Variants in HSPBAP1 observed in about 807,000 individuals in gnomAD.
HSPBAP1 encodes HSPB1-associated protein 1.
HSPBAP1 carries 27 observed loss-of-function variants against 45.2 expected under a neutral mutation model. The observed-to-expected ratio is 0.60, with a 90% CI of 0.44 to 0.82. The LOEUF is 0.82. HSPBAP1 is among the 40% of genes least tolerant of loss of function. HSPBAP1 has a pLI of 0.00. For missense variants in HSPBAP1, 510 were observed against 590.9 expected (o/e 0.86, Z 1.42); for synonymous variants, 204 against 202.7 (o/e 1.01, Z -0.06).
chr3:122,789,842 T>C (rs949389201), intron 1 of HSPBAP1, among the ~76,000 whole-genome samples: 1 of 150,822 alleles, frequency 6.6e-6, no homozygotes, highest in Non-Finnish European at 1.5e-5. Context: ...CCCGCAACCC[T>C]ATGGCAATCA....
chr3:122,747,462 A>T (rs1202009323), intron 6 of HSPBAP1, among the ~76,000 whole-genome samples: 4 of 150,850 alleles, frequency 2.7e-5, no homozygotes, highest in African/African-American at 7.3e-5. Flanking sequence ...CCGCCCGGCC[A>T]GCCGCCCTGT....
intron 6 of HSPBAP1, among the ~76,000 whole-genome samples, chr3:122,742,046 CAT>C (rs1475842622): frequency 3.3e-5 from 5 of 151,728 alleles, no homozygotes; most frequent in African/African-American, 1.2e-4. Flanking sequence ...AACTTTTGCA[CAT>C]GTGTGCCAGG....
chr3:122,740,513 T>C lies in HSPBAP1; in HGVS notation c.1299A>G (p.Arg433=). ...TTTCACTGTTGCTCATTATTTGTTGTCTCTTGGCACAATGCAATTTTCCAA... is the reference window on the plus strand; with the variant it reads ...TTTCACTGTTGCTCATTATTTGTTGCCTCTTGGCACAATGCAATTTTCCAA... ...EHFGKLHCAK[R]QQIMSNSENA... The change falls in exon 8 of 8, where the codon AGA becomes AGG. Residue 433 remains arginine (R), a synonymous_variant. Transcript: ENST00000306103. 6.2e-7 allele frequency: 1 copy of C among 1,614,206 alleles called. No individual in the cohort carries two copies. Among genetic ancestry groups the C allele is most frequent in the Non-Finnish European group, 8.5e-7 (1 of 1,180,042 alleles).
intron 6 of HSPBAP1, among the ~76,000 whole-genome samples, chr3:122,746,609 C>T (rs570147103): frequency 6.6e-6 from 1 of 150,646 alleles, no homozygotes; most frequent in South Asian, 2.1e-4. Context: ...TCAGCTCTCT[C>T]CTCTCTCCTC....
chr3:122,753,064 A>C, intron 5 of HSPBAP1: 1 of 766,418 alleles, frequency 1.3e-6, no homozygotes, highest in African/African-American at 1.9e-5. Flanking sequence ...TCACAGCTCA[A>C]AATCTAGCCA....
intron 1 of HSPBAP1, among the ~76,000 whole-genome samples, chr3:122,779,302 T>C (rs1179668781): frequency 6.6e-6 from 1 of 151,260 alleles, no homozygotes. Context: ...CGACCTCCCG[T>C]AGTGCTGGGA....
rs56210865 is a variant in HSPBAP1, at chr3:122,755,437, T to TAAA, written c.570-9_570-7dup. 8,315 of 1,177,946 alleles carry TAAA rather than the reference T, an allele frequency of 7.1e-3. 8 individuals are homozygous for TAAA. The highest frequency in any genetic ancestry group is 9.5e-3 in the African/African-American group (553 of 58,114). 73.0% of individuals were successfully genotyped at this position (1,177,946 alleles called of 1,614,324 possible). ...GAAAGAGATGCCATCGTTTCCTAAT[T>TAAA]AAAAAAAAAAAAAAAAGATACAAGT... is the stretch of plus-strand genomic sequence containing the variant. On this transcript the variant is annotated splice_polypyrimidine_tract_variant and splice_region_variant and intron_variant, in intron 4 of 7. Transcript: ENST00000306103.
intron 1 of HSPBAP1, among the ~76,000 whole-genome samples, chr3:122,788,747 A>G (rs1456691503): frequency 1.3e-5 from 2 of 152,238 alleles, no homozygotes; most frequent in Non-Finnish European, 2.9e-5. Flanking sequence ...AAGTGGTTAA[A>G]TTTCTAGAAA....
intron 6 of HSPBAP1, among the ~76,000 whole-genome samples, chr3:122,750,157 T>C (rs1220596563): frequency 6.6e-6 from 1 of 151,406 alleles, no homozygotes; most frequent in East Asian, 1.9e-4. Context: ...GCATTTTTAG[T>C]AGAGATAGGG....
intron 3 of HSPBAP1, among the ~76,000 whole-genome samples, chr3:122,760,698 GTT>G (rs1209693689): frequency 1.3e-5 from 2 of 152,216 alleles, no homozygotes; most frequent in Admixed American, 1.3e-4. Flanking sequence ...CAAAAATCCT[GTT>G]CTCTCTGCAT....
At chr3:122,767,999 C>G (rs903047905) in intron 3 of HSPBAP1, among the ~76,000 whole-genome samples, 1 of 152,078 alleles carries the variant, frequency 6.6e-6, no homozygotes, top group Non-Finnish European at 1.5e-5. Flanking sequence ...CATTCCTGCC[C>G]CACACCTAAG....
At chr3:122,779,025 AT>A (rs1935301044) in intron 1 of HSPBAP1, among the ~76,000 whole-genome samples, 1 of 147,100 alleles carries the variant, frequency 6.8e-6, no homozygotes, top group Admixed American at 6.8e-5. Context: ...GATAGATTTC[AT>A]TTTCTTTCTT....
At chr3:122,747,539 G>A (rs1576235434) in intron 6 of HSPBAP1, among the ~76,000 whole-genome samples, 1 of 149,926 alleles carries the variant, frequency 6.7e-6, no homozygotes, top group South Asian at 2.1e-4. Flanking sequence ...GGGAGGTGGG[G>A]GTCAGCCCCC....
At chr3:122,747,757 TG>T (rs1310385768) in intron 6 of HSPBAP1, among the ~76,000 whole-genome samples, 1 of 124,562 alleles carries the variant, frequency 8.0e-6, no homozygotes, top group African/African-American at 3.2e-5. Flanking sequence ...CGGAGGGAGG[TG>T]GGGGGGTCAG....
Position 122,764,616 on chromosome 3 carries a change from A to G in HSPBAP1, c.432+4085T>C, listed in dbSNP as rs75740225. The stretch of plus-strand genomic sequence containing the variant: ...CTTAACTGACTTTTGTGTATAGCAA[A>G]TAAAATTAATCTTATTATTTTTTAG... On this transcript the variant is annotated intron_variant, in intron 3 of 7. Transcript: ENST00000306103. Among the ~76,000 whole-genome samples the G allele has an allele frequency of 3.4e-3, 524 of 152,344 alleles. 25 individuals carry two copies. The South Asian group carries it at 0.071, about 21-fold the overall frequency.
chr3:122,768,576 T>C, intron 3 of HSPBAP1, 125 bp downstream of exon 3: 2 of 649,586 alleles, frequency 3.1e-6, no homozygotes, highest in Non-Finnish European at 5.3e-6. Context: ...GTGGGTGAAA[T>C]ATCCAAGATT....
chr3:122,780,322 C>T (rs1935385704), intron 1 of HSPBAP1, among the ~76,000 whole-genome samples: 1 of 103,930 alleles, frequency 9.6e-6, no homozygotes, highest in Non-Finnish European at 2.0e-5. Context: ...GGCGGCTGGC[C>T]GGGCGGGGGG....
intron 1 of HSPBAP1, among the ~76,000 whole-genome samples, chr3:122,792,302 G>C (rs1273438727): frequency 6.6e-6 from 1 of 152,178 alleles, no homozygotes; most frequent in East Asian, 1.9e-4. Context: ...GCAAAAGGTT[G>C]ACTTCATCCA....
intron 5 of HSPBAP1, chr3:122,753,920 T>C: frequency 1.0e-6 from 1 of 983,668 alleles, no homozygotes; most frequent in Non-Finnish European, 1.2e-6. Flanking sequence ...GAAGAGAAAA[T>C]GAATTGGCAA....
Sources: allele counts gnomAD v4.1 joint callset (sites outside exome capture counted in the v4.1 genomes callset), GRCh38; gene constraint gnomAD v4.1.1; transcripts MANE v1.5; gene names NCBI Gene and HGNC (gene_info 2026-07-23, HGNC 2026-07-21).